MROH7: variants seen among roughly 807,000 people sequenced by gnomAD.
MROH7 encodes maestro heat like repeat family member 7.
A neutral mutation model predicts 129.2 loss-of-function variants in MROH7; 113 were observed. The ratio of observed to expected loss-of-function variants is 0.87; its 90% CI spans 0.75 to 1.02. The LOEUF is 1.02. Among genes scored for constraint, MROH7 ranks in the 50% least tolerant of loss-of-function variants. The pLI is 0.00. For synonymous variants in MROH7, 655 were observed against 667.9 expected, an observed-to-expected ratio of 0.98 and a Z score of 0.30; for missense variants, 1,601 against 1,671.3, an observed-to-expected ratio of 0.96 and a Z score of 0.73.
rs1486667085 is a variant in MROH7 at position 54,670,885 on chromosome 1, C to T, written c.1555C>T (p.Gln519Ter). 1.9e-6 allele frequency: 3 copies of T among 1,611,918 alleles called. No homozygotes were observed. The highest frequency in any genetic ancestry group is 2.7e-5 in the African/African-American group (2 of 75,026). ...CAGCGTGTTCTCCCTGCCCTCCGTGCAGGCGATGCAGGAGAAGGACGAGGC... is the reference window on the plus strand; with the variant it reads ...CAGCGTGTTCTCCCTGCCCTCCGTGTAGGCGATGCAGGAGAAGGACGAGGC... ...VHSVFSLPSV[Q>*]AMQEKDEAKA... The change falls in exon 7 of 24, where the codon CAG (glutamine) becomes TAG (stop). Residue 519 changes from glutamine (Q) to a stop codon, truncating the protein, a stop_gained. Transcript: ENST00000421030. LOFTEE classifies it high-confidence loss of function.
intron 13 of MROH7, among the ~76,000 whole-genome samples, chr1:54,682,017 T>C (rs1201692725): frequency 6.6e-6 from 1 of 152,214 alleles, no homozygotes; most frequent in Non-Finnish European, 1.5e-5. Context: ...CTTGAATCCT[T>C]GTTCATGTCT....
At position 54,686,386 on chromosome 1, in the gene MROH7, C is replaced by A; in HGVS notation, c.2649C>A (p.Gly883=). 1 of 1,614,194 alleles carries A rather than the reference C, an allele frequency of 6.2e-7. No homozygotes were observed. Among genetic ancestry groups the A allele is most frequent in the Non-Finnish European group, 8.5e-7 (1 of 1,180,032 alleles). The change falls in exon 15 of 24, where the codon GGC becomes GGA. Residue 883 remains glycine (G), a synonymous_variant. Coordinates refer to ENST00000421030, the MANE Select transcript of MROH7 (RefSeq NM_001039464.4). Reference sequence around the variant, plus strand: ...ACCACATCGGCCTCAACCTGCCTGGCTGCGTGGCTCCTCCCAAGGACACCA... The same window carrying A: ...ACCACATCGGCCTCAACCTGCCTGGATGCGTGGCTCCTCCCAAGGACACCA... The part of the protein sequence containing the change: ...VHYHIGLNLP[G]CVAPPKDTKK...
In MROH7 at chr1:54,682,711, C is replaced by T. The variant is rs1016470409; in HGVS notation, c.2437C>T (p.Arg813Ter). Residue 813 changes from arginine to a stop codon, truncating the protein, a stop_gained, in exon 14 of 24, where the codon CGA (arginine) becomes TGA (stop). Transcript: ENST00000421030. LOFTEE classifies it high-confidence loss of function. Reference protein sequence around the residue: ...LILCKPSCDVRDLLDLLLGSL... With the variant: ...LILCKPSCDV Reference sequence around the variant, plus strand: ...ACTGTGTAAGCCCAGCTGTGATGTCCGAGACCTCCTGGATCTGCTCCTGGG... The same window carrying T: ...ACTGTGTAAGCCCAGCTGTGATGTCTGAGACCTCCTGGATCTGCTCCTGGG... The T allele has an allele frequency of 1.4e-5, 23 of 1,613,988 alleles. No individual in the cohort carries two copies. The highest frequency in any genetic ancestry group is 1.8e-5 in the Non-Finnish European group (21 of 1,179,988).
At chr1:54,681,156 T>C (rs1645064265) in intron 13 of MROH7, among the ~76,000 whole-genome samples, 1 of 152,160 alleles carries the variant, frequency 6.6e-6, no homozygotes, top group Admixed American at 6.5e-5. Context: ...TCTGCACTTG[T>C]GTGAGCCTGA....
chr1:54,709,898 T>C (rs754879016), intron 23 of MROH7, 48 bp from the exon 24 acceptor site: 14 of 1,588,864 alleles, frequency 8.8e-6, no homozygotes, highest in African/African-American at 2.7e-5. Flanking sequence ...GAGACCCACA[T>C]AGGGCCCTGG....
rs981255541 is a variant in MROH7 at position 54,665,228 on chromosome 1, C to A, written c.1293C>A (p.Asn431Lys). ...VKVPEKTEGG[N>K]NMALVENVTT... ...TGCCAGAGAAGACAGAAGGTGGCAA[C>A]AACATGGCTCTGGTATGCCTCCTGC... is the stretch of plus-strand genomic sequence containing the variant. The change falls in exon 4 of 24, where the codon AAC becomes AAA. Residue 431 changes from asparagine to lysine, a missense_variant. Asn to Lys is a moderately conservative substitution (Grantham distance 94). Coordinates refer to ENST00000421030, the MANE Select transcript of MROH7 (RefSeq NM_001039464.4). The A allele has an allele frequency of 1.2e-6, 2 of 1,613,608 alleles. No homozygotes were observed. The highest frequency in any genetic ancestry group is 1.3e-5 in the African/African-American group (1 of 74,878).
chr1:54,680,093 C>A (rs540380482), intron 13 of MROH7, 48 bp downstream of exon 13: 2 of 1,581,852 alleles, frequency 1.3e-6, no homozygotes, highest in Non-Finnish European at 1.7e-6. Context: ...AGGGTTCAAG[C>A]AGCCCCCACC....
Position 54,653,153 on chromosome 1 carries a change from T to G in MROH7, c.227T>G (p.Val76Gly). The G allele has an allele frequency of 6.2e-7, 1 of 1,614,184 alleles. No individual in the cohort carries two copies. The highest frequency in any genetic ancestry group is 8.5e-7 in the Non-Finnish European group (1 of 1,180,026). Residue 76 changes from valine (V) to glycine (G), a missense_variant, in exon 3 of 24, where the codon GTG becomes GGG. Physicochemically the swap from Val to Gly is moderately radical, Grantham distance 109 (BLOSUM62 -3). Coordinates refer to ENST00000421030, the MANE Select transcript of MROH7 (RefSeq NM_001039464.4). ...GTCTCAGGGGAGGCCTCAGGCCTGGTGTCTGAAAACACCCCCAGACCTGAT... is the reference window on the plus strand; with the variant it reads ...GTCTCAGGGGAGGCCTCAGGCCTGGGGTCTGAAAACACCCCCAGACCTGAT... Reference protein sequence around the residue: ...SPVSGEASGLVSENTPRPDDS... With the variant: ...SPVSGEASGLGSENTPRPDDS...
chr1:54,657,048 C>CT (rs35098878), intron 3 of MROH7, among the ~76,000 whole-genome samples: 22,785 of 132,394 alleles, frequency 0.17, 2,389 homozygotes, highest in Non-Finnish European at 0.25. Flanking sequence ...TTCTCACCAT[C>CT]TTTTTTTTTT....
chr1:54,650,725 G>A (rs561840490), intron 1 of MROH7, among the ~76,000 whole-genome samples: 12 of 144,544 alleles, frequency 8.3e-5, no homozygotes, highest in Non-Finnish European at 8.9e-5. Context: ...TCGCCATCCC[G>A]ATTTTTTTTT....
At chr1:54,697,477 C>T in intron 17 of MROH7, 1 of 522,208 alleles carries the variant, frequency 1.9e-6, no homozygotes, top group Non-Finnish European at 3.4e-6. Flanking sequence ...GGAGAGCAAA[C>T]CTGGCCTTGG....
intron 14 of MROH7, among the ~76,000 whole-genome samples, chr1:54,685,379 G>T (rs1279255841): frequency 6.6e-6 from 1 of 152,152 alleles, no homozygotes; most frequent in East Asian, 1.9e-4. Context: ...GCTTACCTTC[G>T]CCCTCTCATT....
In MROH7 at chr1:54,679,920, G is replaced by T. The variant is rs1304888855; in HGVS notation, c.2256G>T (p.Met752Ile). 3.7e-6 allele frequency: 6 copies of T among 1,612,840 alleles called. No homozygotes were observed. The highest frequency in any genetic ancestry group is 3.3e-4 in the Middle Eastern group (2 of 6,058). ...VIPEIMQGIY[M>I]QLSHIQEPRA... ...CAGAAATCATGCAAGGCATCTACAT[G>T]CAGCTGAGCCACATCCAGGAGCCTC... Residue 752 changes from methionine to isoleucine, a missense_variant, in exon 13 of 24, where the codon ATG (methionine) becomes ATT (isoleucine). By Grantham distance (10) the Met-to-Ile change is conservative. Transcript: ENST00000421030.
rs780644855 is a variant in MROH7 at position 54,670,485 on chromosome 1, C to T, written c.1390-12C>T. On this transcript the variant is annotated splice_polypyrimidine_tract_variant and intron_variant, in intron 5 of 23. Transcript: ENST00000421030. ...CCTGTCCTCATCGGCCCTTCTGTGG[C>T]CCCCTGTCCAGAGGCAGATCCAGGA... 3.1e-6 allele frequency: 5 copies of T among 1,612,066 alleles called. No individual in the cohort carries two copies. The highest frequency in any genetic ancestry group is 2.7e-5 in the African/African-American group (2 of 74,908).
chr1:54,644,443 A>C (rs1211789885), intron 1 of MROH7, among the ~76,000 whole-genome samples: 2 of 151,836 alleles, frequency 1.3e-5, no homozygotes, highest in South Asian at 4.2e-4. Flanking sequence ...CCTGGGTTCA[A>C]GCAATTCTCT....
intron 1 of MROH7, among the ~76,000 whole-genome samples, chr1:54,645,627 A>G (rs1433114366): frequency 2.1e-5 from 3 of 142,224 alleles, no homozygotes; most frequent in African/African-American, 7.9e-5. Flanking sequence ...AGCTCCAATG[A>G]TATTTCTTTT....
chr1:54,695,326 C>G, intron 16 of MROH7, 50 bp from the exon 17 acceptor site: 1 of 989,298 alleles, frequency 1.0e-6, no homozygotes, highest in South Asian at 1.4e-5. Context: ...CCCCACAGGT[C>G]CCCCTGGGGC....
At chr1:54,647,315 A>G (rs574000288) in intron 1 of MROH7, among the ~76,000 whole-genome samples, 4 of 152,220 alleles carry the variant, frequency 2.6e-5, no homozygotes, top group Non-Finnish European at 2.9e-5. Context: ...TTTGTATACA[A>G]TGTGGGATAG....
intron 16 of MROH7, among the ~76,000 whole-genome samples, chr1:54,693,517 GATTAA>G (rs1300806291): frequency 6.6e-6 from 1 of 152,190 alleles, no homozygotes; most frequent in East Asian, 1.9e-4. Flanking sequence ...GGGCAGGGGT[GATTAA>G]CACATATTTT....
Sources: gnomAD v4.1 joint callset for allele counts (sites outside exome capture counted in the v4.1 genomes callset) on GRCh38, gnomAD v4.1.1 for gene constraint, MANE v1.5 for transcripts, NCBI Gene and HGNC (gene_info 2026-07-23, HGNC 2026-07-21) for gene names.